IGF2BP1: variants seen among roughly 807,000 people sequenced by gnomAD.
The protein encoded by IGF2BP1 is insulin like growth factor 2 mRNA binding protein 1.
A neutral mutation model predicts 74.9 loss-of-function variants in IGF2BP1; 11 were observed. The ratio of observed to expected loss-of-function variants is 0.15; its 90% CI spans 0.09 to 0.24. The LOEUF (loss-of-function observed/expected upper bound fraction) is 0.24, where lower values mean the gene tolerates loss of function less well. IGF2BP1 is among the 10% of genes least tolerant of loss of function. The probability of loss-of-function intolerance (pLI) is 1.00; values close to 1 mark genes in which losing one functional copy is unlikely to be tolerated. For synonymous variants in IGF2BP1, 287 were observed against 281.8 expected, an observed-to-expected ratio of 1.02 and a Z score of -0.18; for missense variants, 440 against 757.4, an observed-to-expected ratio of 0.58 and a Z score of 4.92.
chr17:49,045,806 A>G (rs1394252313), intron 12 of IGF2BP1, 84 bp from the exon 13 acceptor site: 2 of 1,466,440 alleles, frequency 1.4e-6, no homozygotes, highest in Non-Finnish European at 1.8e-6. Context: ...GCCAGAAAAT[A>G]TGGGCTGGAG....
At chr17:49,008,188 A>AAAAG (rs796574707) in intron 2 of IGF2BP1, among the ~76,000 whole-genome samples, 1 of 151,460 alleles carries the variant, frequency 6.6e-6, no homozygotes, top group African/African-American at 2.4e-5. Context: ...AAAAAAAAAA[A>AAAAG]GTAAATAAAT....
At chr17:48,998,259 G>C (rs997637852) in intron 1 of IGF2BP1, among the ~76,000 whole-genome samples, 1 of 152,124 alleles carries the variant, frequency 6.6e-6, no homozygotes, top group Non-Finnish European at 1.5e-5. Context: ...CTGGCTGGGC[G>C]TTATTTCCAC....
intron 6 of IGF2BP1, 29 bp from the exon 7 acceptor site, chr17:49,039,928 C>A (rs770935420): frequency 1.2e-6 from 2 of 1,610,498 alleles, no homozygotes; most frequent in Admixed American, 3.3e-5. Context: ...CTGGGGACAA[C>A]TAACCAGCCT....
At chr17:49,034,151 C>A (rs1337506260) in intron 5 of IGF2BP1, among the ~76,000 whole-genome samples, 1 of 146,276 alleles carries the variant, frequency 6.8e-6, no homozygotes, top group Non-Finnish European at 1.5e-5. Context: ...GGAGTCTTGC[C>A]CAGGCTGGAG....
chr17:48,999,195 G>T (rs1948513), intron 2 of IGF2BP1, 26 bp downstream of exon 2: 3 of 719,630 alleles, frequency 4.2e-6, no homozygotes, highest in African/African-American at 2.0e-5. Flanking sequence ...TTTCGGGGGG[G>T]GTGGGGGGGC....
intron 3 of IGF2BP1, 126 bp downstream of exon 3, chr17:49,025,792 A>C: frequency 1.6e-6 from 1 of 637,860 alleles, no homozygotes; most frequent in East Asian, 2.9e-5. Context: ...CCTGGGTCTC[A>C]TCCTTTCTTT....
intron 2 of IGF2BP1, among the ~76,000 whole-genome samples, chr17:49,007,180 G>T (rs1223783536): frequency 6.6e-6 from 1 of 152,150 alleles, no homozygotes; most frequent in African/African-American, 2.4e-5. Context: ...GCTGGGATGG[G>T]TATGTTCATT....
chr17:49,036,460 A>T (rs2041989329), intron 5 of IGF2BP1: 1 of 151,986 alleles, frequency 6.6e-6, no homozygotes, highest in Admixed American at 6.5e-5. Context: ...CAAAAAAATA[A>T]AAAAATAAAA....
Position 48,997,953 on chromosome 17 carries a change from A to G in IGF2BP1, c.175+33A>G, listed in dbSNP as rs1367261185. 1.2e-6 allele frequency: 2 copies of G among 1,605,356 alleles called. No homozygotes were observed. Among genetic ancestry groups the G allele is most frequent in the Non-Finnish European group, 8.5e-7 (1 of 1,175,232 alleles). On this transcript the variant is annotated intron_variant, in intron 1 of 14. Coordinates refer to ENST00000290341, the MANE Select transcript of IGF2BP1 (RefSeq NM_006546.4). The surrounding 1 kb of genome is among the most constrained non-coding windows in gnomAD (Gnocchi z 4.8). ...CACAGCCACCTCCCGGAAAAGCCAC[A>G]ACGAGAGCCCCGAACAACGGAGACC...
chr17:49,055,407 C>A lies in IGF2BP1; in HGVS notation c.*5963C>A. On this transcript the variant is annotated 3_prime_UTR_variant, in exon 15 of 15. Coordinates refer to ENST00000290341, the MANE Select transcript of IGF2BP1 (RefSeq NM_006546.4). The stretch of plus-strand genomic sequence containing the variant: ...CTGTGCTTCTCTCCCTTCTCCCCTC[C>A]CAGCCAGCTGACTTCAGTCACCCCT... 2.7e-6 allele frequency: 1 copy of A among 368,764 alleles called. No homozygotes were observed. The highest frequency in any genetic ancestry group is 4.6e-5 in the Admixed American group (1 of 21,658). The allele number at this position is 368,764 out of a possible 1,614,324, so 22.8% of individuals were successfully genotyped here. A position where few individuals can be genotyped will look rare whatever the true frequency, so the allele number is the denominator to read the frequency against.
At chr17:48,999,321 T>C in intron 2 of IGF2BP1, 152 bp downstream of exon 2, 1 of 611,804 alleles carries the variant, frequency 1.6e-6, no homozygotes. Flanking sequence ...GAGGGAAGAT[T>C]GGCCAAGATC....
Position 49,046,221 on chromosome 17 carries a change from T to A in IGF2BP1, c.1528-39T>A, listed in dbSNP as rs148934109. ...CCTCCCTCCAACCCCACCCATGCTT[T>A]CTTGATGGCACCCTGAGCTCCTCTC... is the stretch of plus-strand genomic sequence containing the variant. On this transcript the variant is annotated intron_variant, in intron 13 of 14. Transcript: ENST00000290341. The A allele has an allele frequency of 3.4e-5, 53 of 1,575,434 alleles. No individual in the cohort carries two copies. In the Middle Eastern group the frequency reaches 1.0e-3, roughly 30 times the overall value.
intron 5 of IGF2BP1, among the ~76,000 whole-genome samples, chr17:49,035,719 C>T (rs961972437): frequency 3.3e-4 from 51 of 152,242 alleles, no homozygotes; most frequent in African/African-American, 1.2e-3. Context: ...ATTTTCCGGG[C>T]TGCTCGCCTT....
At chr17:49,029,087 A>G (rs1271445823) in intron 4 of IGF2BP1, among the ~76,000 whole-genome samples, 1 of 152,160 alleles carries the variant, frequency 6.6e-6, no homozygotes. Context: ...TTACAGGAGT[A>G]AGCCACCGCA....
chr17:48,996,925 G>A (rs928081838), upstream of IGF2BP1, among the ~76,000 whole-genome samples: 2 of 151,928 alleles, frequency 1.3e-5, no homozygotes, highest in African/African-American at 4.8e-5. Flanking sequence ...TCACCAGCTC[G>A]TGCGACCCTC....
chr17:48,999,063 AC>A, intron 1 of IGF2BP1, 45 bp from the exon 2 acceptor site: 3 of 1,178,484 alleles, frequency 2.5e-6, no homozygotes, highest in South Asian at 1.2e-5. Context: ...CCCACCCCCA[AC>A]CCCTGTTCAA....
intron 2 of IGF2BP1, among the ~76,000 whole-genome samples, 162 bp downstream of exon 2, chr17:48,999,331 C>T (rs1053437090): frequency 6.9e-6 from 1 of 144,272 alleles, no homozygotes; most frequent in Non-Finnish European, 1.5e-5. Context: ...TGGCCAAGAT[C>T]TTGTAATGGG....
intron 4 of IGF2BP1, among the ~76,000 whole-genome samples, chr17:49,030,141 CTTT>C (rs35530909): frequency 1.8e-4 from 22 of 120,766 alleles, no homozygotes; most frequent in African/African-American, 2.3e-4. Context: ...TTTAGCTGGA[CTTT>C]TTTTTTTTTT....
At chr17:49,008,605 G>A (rs192131611) in intron 2 of IGF2BP1, among the ~76,000 whole-genome samples, 3 of 152,238 alleles carry the variant, frequency 2.0e-5, no homozygotes. Flanking sequence ...TCTTGAATGA[G>A]TAGTTTCTTT....
Sources: allele counts gnomAD v4.1 joint callset (sites outside exome capture counted in the v4.1 genomes callset), GRCh38; gene constraint gnomAD v4.1.1; non-coding constraint Gnocchi (gnomAD v3.1); transcripts MANE v1.5; gene names NCBI Gene and HGNC (gene_info 2026-07-23, HGNC 2026-07-21).